Variants in RXFP1 observed in about 807,000 individuals in gnomAD.
RXFP1 encodes the protein relaxin family peptide receptor 1.
A neutral mutation model predicts 89.8 loss-of-function variants in RXFP1; 73 were observed. The ratio of observed to expected loss-of-function variants is 0.81; its 90% CI spans 0.67 to 0.99. The LOEUF (loss-of-function observed/expected upper bound fraction) is 0.99, where lower values mean the gene tolerates loss of function less well. Ranked by LOEUF, RXFP1 falls within the 50% of genes least tolerant of loss-of-function variation. The pLI is 0.00. For synonymous variants in RXFP1, 277 were observed against 305.5 expected, an observed-to-expected ratio of 0.91 and a Z score of 0.97; for missense variants, 793 against 895.5, an observed-to-expected ratio of 0.89 and a Z score of 1.46.
rs576318138 is a variant in RXFP1, at chr4:158,595,906, C to T, written c.286+2407C>T. ...TCACACTTATAATCCCAGCACTTTG[C>T]GAGGCTGAGGTAGGAAGATCTCACT... On this transcript the variant is annotated intron_variant, in intron 3 of 17. Transcript: ENST00000307765. Among the ~76,000 whole-genome samples, 3 of 150,956 alleles carry T rather than the reference C, an allele frequency of 2.0e-5. No homozygotes were observed. In the South Asian group the frequency reaches 6.3e-4, roughly 32 times the overall value.
At chr4:158,522,061 G>T in intron 1 of RXFP1, 36 bp downstream of exon 1, 1 of 1,264,436 alleles carries the variant, frequency 7.9e-7, no homozygotes. Flanking sequence ...GTATACCTTA[G>T]TATTTTGTGG....
intron 17 of RXFP1, 103 bp from the exon 18 acceptor site, chr4:158,651,654 T>A: frequency 1.2e-6 from 1 of 858,080 alleles, no homozygotes. Flanking sequence ...AGGAAAAAAA[T>A]CAAAACTCAA....
intron 2 of RXFP1, among the ~76,000 whole-genome samples, chr4:158,580,888 C>G (rs938417220): frequency 5.9e-5 from 9 of 152,156 alleles, no homozygotes; most frequent in African/African-American, 2.2e-4. Context: ...ACCTCCGCCT[C>G]CCAGGTTCAA....
At chr4:158,626,712 A>C (rs1183710609) in intron 9 of RXFP1, 108 bp from the exon 10 acceptor site, 1 of 623,984 alleles carries the variant, frequency 1.6e-6, no homozygotes, top group East Asian at 3.3e-5. Context: ...TATATGAAAT[A>C]AACAGTATGT....
At chr4:158,543,263 C>G (rs1313070503) in intron 1 of RXFP1, among the ~76,000 whole-genome samples, 2 of 152,068 alleles carry the variant, frequency 1.3e-5, no homozygotes, top group Non-Finnish European at 2.9e-5. Context: ...ACATTGACTC[C>G]TAATAGATGG....
chr4:158,605,116 G>C lies in RXFP1; in HGVS notation c.441G>C (p.Lys147Asn). 6.3e-7 allele frequency: 1 copy of C among 1,591,916 alleles called. No homozygotes were observed. The highest frequency in any genetic ancestry group is 2.2e-5 in the East Asian group (1 of 44,536). Residue 147 changes from lysine to asparagine, a missense_variant, in exon 5 of 18, where the codon AAG becomes AAC. Physicochemically the swap from Lys to Asn is moderately conservative, Grantham distance 94. Coordinates refer to ENST00000307765, the MANE Select transcript of RXFP1 (RefSeq NM_021634.4). ...GAAAGCTTCCTCCTGATTGCTTCAA[G>C]AATTATCATGATCTTCAGAAGCTGT... is the stretch of plus-strand genomic sequence containing the variant. ...LIRKLPPDCF[K>N]NYHDLQKLYL...
chr4:158,540,336 C>G (rs1746306161), intron 1 of RXFP1, among the ~76,000 whole-genome samples: 1 of 152,074 alleles, frequency 6.6e-6, no homozygotes, highest in Non-Finnish European at 1.5e-5. Context: ...GAAGTTCTTC[C>G]CCTTTTGGGA....
At chr4:158,651,074 T>C (rs944913750) in intron 17 of RXFP1, among the ~76,000 whole-genome samples, 26 of 152,306 alleles carry the variant, frequency 1.7e-4, no homozygotes, top group African/African-American at 6.0e-4. Flanking sequence ...CAGTGAGCCA[T>C]GTTCACACCA....
At chr4:158,649,684 AACAC>A (rs980922054) in intron 17 of RXFP1, among the ~76,000 whole-genome samples, 1 of 152,240 alleles carries the variant, frequency 6.6e-6, no homozygotes, top group Admixed American at 6.5e-5. Context: ...ATTTTAAAAA[AACAC>A]ACATACAAAA....
chr4:158,555,833 T>C (rs1396832851), intron 1 of RXFP1, among the ~76,000 whole-genome samples: 2 of 152,102 alleles, frequency 1.3e-5, no homozygotes, highest in Non-Finnish European at 2.9e-5. Flanking sequence ...TTGGAGAAAA[T>C]ACAGTCTTTT....
chr4:158,605,177 A>G (rs753709838), intron 5 of RXFP1, 38 bp downstream of exon 5: 1 of 1,316,000 alleles, frequency 7.6e-7, no homozygotes, highest in Non-Finnish European at 1.1e-6. Flanking sequence ...ACAATTAACT[A>G]GCATTTTTGG....
At chr4:158,605,207 C>T in intron 5 of RXFP1, 68 bp downstream of exon 5, 1 of 846,766 alleles carries the variant, frequency 1.2e-6, no homozygotes, top group South Asian at 1.6e-5. Flanking sequence ...TTTCTTCCTA[C>T]TTCTGTGAAC....
intron 6 of RXFP1, among the ~76,000 whole-genome samples, chr4:158,609,147 G>C (rs982159661): frequency 6.6e-6 from 1 of 152,034 alleles, no homozygotes; most frequent in African/African-American, 2.4e-5. Flanking sequence ...ACTTCTTCTG[G>C]GTATATACCA....
chr4:158,557,313 T>C (rs998836236), intron 1 of RXFP1, among the ~76,000 whole-genome samples: 1 of 152,252 alleles, frequency 6.6e-6, no homozygotes, highest in South Asian at 2.1e-4. Context: ...TTTTAACTAA[T>C]AATTTAGGTT....
intron 1 of RXFP1, among the ~76,000 whole-genome samples, chr4:158,564,221 A>G (rs1282749042): frequency 6.6e-6 from 1 of 152,034 alleles, no homozygotes; most frequent in East Asian, 1.9e-4. Context: ...ATGTTTTCAT[A>G]TTTTACCCCA....
intron 14 of RXFP1, among the ~76,000 whole-genome samples, chr4:158,643,470 T>TTG (rs1426879280): frequency 1.4e-5 from 2 of 141,496 alleles, no homozygotes; most frequent in Admixed American, 1.4e-4. Flanking sequence ...ATATGCTAGT[T>TTG]TTTTTTTTTT....
chr4:158,547,238 G>T (rs1221507118), intron 1 of RXFP1, among the ~76,000 whole-genome samples: 1 of 152,174 alleles, frequency 6.6e-6, no homozygotes. Flanking sequence ...TATTTGTGTA[G>T]AGGTGTTTGT....
intron 1 of RXFP1, among the ~76,000 whole-genome samples, chr4:158,565,463 A>G (rs892724303): frequency 4.6e-5 from 7 of 152,182 alleles, no homozygotes; most frequent in African/African-American, 1.4e-4. Flanking sequence ...CTTGGCTTCT[A>G]AATACCATTC....
chr4:158,607,844 T>C, intron 5 of RXFP1, 128 bp from the exon 6 acceptor site: 1 of 583,686 alleles, frequency 1.7e-6, no homozygotes, highest in Non-Finnish European at 3.0e-6. Context: ...TAAGTCTACC[T>C]TCAGAGGCAT....
Sources: allele counts gnomAD v4.1 joint callset (sites outside exome capture counted in the v4.1 genomes callset), GRCh38; gene constraint gnomAD v4.1.1; transcripts MANE v1.5; gene names NCBI Gene and HGNC (gene_info 2026-07-23, HGNC 2026-07-21).